Variants in RBMS1 observed in about 807,000 individuals in gnomAD.
RBMS1 encodes RNA-binding motif, single-stranded-interacting protein 1.
In RBMS1, 17 loss-of-function variants were observed where a neutral mutation model predicts 62.3. That is an observed-to-expected ratio of 0.27 (90% confidence interval 0.19 to 0.41). RBMS1 has a LOEUF of 0.41. Among genes scored for constraint, RBMS1 ranks in the 10% least tolerant of loss-of-function variants. The pLI, the probability that RBMS1 is intolerant of heterozygous loss-of-function variation, is 1.00. For missense variants in RBMS1, 334 were observed against 504.5 expected (o/e 0.66, Z 3.24); for synonymous variants, 172 against 170.0 (o/e 1.01, Z -0.09).
intron 1 of RBMS1, among the ~76,000 whole-genome samples, chr2:160,400,330 C>A (rs10165985): frequency 2.0e-5 from 3 of 149,306 alleles, no homozygotes; most frequent in East Asian, 3.9e-4. Context: ...ATTTAAAAAA[C>A]GAAAGAAACA....
rs151035772 is a variant in RBMS1, at chr2:160,405,035, G to A, written c.76-37644C>T. On this transcript the variant is annotated intron_variant, in intron 1 of 13. Coordinates refer to ENST00000348849, the MANE Select transcript of RBMS1 (RefSeq NM_016836.4). ...CAATTTGCTTAATCTATGCCTCAGT[G>A]TTCTTAATTGTAAAATGGATATACA... Among the ~76,000 whole-genome samples the A allele has an allele frequency of 4.7e-3, 722 of 152,322 alleles. 4 individuals carry two copies. Among genetic ancestry groups the A allele is most frequent in the Non-Finnish European group, 8.1e-3 (551 of 68,026 alleles).
chr2:160,340,522 CA>C (rs1390023107), intron 2 of RBMS1, among the ~76,000 whole-genome samples: 2 of 151,922 alleles, frequency 1.3e-5, no homozygotes, highest in Non-Finnish European at 2.9e-5. Flanking sequence ...AAGGAAACAA[CA>C]ATAGAAATTA....
chr2:160,336,460 A>G (rs1018965674), intron 2 of RBMS1, among the ~76,000 whole-genome samples: 4 of 152,148 alleles, frequency 2.6e-5, no homozygotes, highest in Admixed American at 2.6e-4. Flanking sequence ...CAGACCATGA[A>G]GAAACCAAAT....
chr2:160,367,000 G>T, intron 2 of RBMS1: 1 of 376,136 alleles, frequency 2.7e-6, no homozygotes, highest in African/African-American at 2.1e-5. Context: ...TTGAGAAAAT[G>T]CTCCAATTCA....
intron 6 of RBMS1, among the ~76,000 whole-genome samples, chr2:160,300,077 C>T (rs910055768): frequency 2.6e-5 from 4 of 151,990 alleles, no homozygotes; most frequent in African/African-American, 9.7e-5. Flanking sequence ...GGAGACCAGA[C>T]TTAGTAGGAA....
At position 160,274,040 on chromosome 2, in the gene RBMS1, CT is replaced by C; in HGVS notation, c.*731del. Reference sequence around the variant, plus strand: ...AATTTCAGCAACTTTTATTGACTACCTTTTAAAAGCCCTATGCTGCTGTTTT... The same window carrying C: ...AATTTCAGCAACTTTTATTGACTACCTTTAAAAGCCCTATGCTGCTGTTTT... On this transcript the variant is annotated 3_prime_UTR_variant, in exon 14 of 14. Transcript: ENST00000348849. 6.6e-6 allele frequency: 1 copy of C among 152,606 alleles called. No individual in the cohort carries two copies. The highest frequency in any genetic ancestry group is 1.5e-5 in the Non-Finnish European group (1 of 68,034). The allele number at this position is 152,606 out of a possible 1,614,324, so 9.5% of individuals were successfully genotyped here.
chr2:160,304,390 CCTAT>C (rs77972136), intron 4 of RBMS1, among the ~76,000 whole-genome samples: 38,792 of 151,910 alleles, frequency 0.26, 5,503 homozygotes, highest in East Asian at 0.53. Flanking sequence ...CAATCTACTT[CCTAT>C]CTAAGTTTAT....
chr2:160,432,136 A>G (rs1047123199), intron 1 of RBMS1, among the ~76,000 whole-genome samples: 10 of 152,194 alleles, frequency 6.6e-5, no homozygotes, highest in Non-Finnish European at 1.5e-4. Context: ...ATGTTACATT[A>G]TATTATATGT....
At chr2:160,416,684 A>G (rs909454382) in intron 1 of RBMS1, among the ~76,000 whole-genome samples, 3 of 152,138 alleles carry the variant, frequency 2.0e-5, no homozygotes, top group Non-Finnish European at 4.4e-5. Flanking sequence ...CCCTAGAAAT[A>G]TAGAATTTCA....
chr2:160,400,434 T>C (rs1263697006), intron 1 of RBMS1, among the ~76,000 whole-genome samples: 1 of 150,750 alleles, frequency 6.6e-6, no homozygotes. Flanking sequence ...TATGTATTCA[T>C]AATAAAATAA....
intron 11 of RBMS1, chr2:160,277,609 T>C (rs1687904923): frequency 2.6e-6 from 1 of 388,666 alleles, no homozygotes; most frequent in Non-Finnish European, 4.6e-6. Flanking sequence ...TTCTTTGGAT[T>C]TGCTAACAAA....
At chr2:160,282,401 G>T (rs529562343) in intron 9 of RBMS1, 21 of 1,055,496 alleles carry the variant, frequency 2.0e-5, no homozygotes, top group Non-Finnish European at 2.6e-5. Context: ...TCTTGCAGCT[G>T]CCAATTTCTC....
At chr2:160,488,302 G>A (rs12618334) in intron 1 of RBMS1, among the ~76,000 whole-genome samples, 73,717 of 152,072 alleles carry the variant, frequency 0.48, 18,277 homozygotes, top group East Asian at 0.69. Context: ...GAGGCTGGGC[G>A]CAGTGGCTCA....
chr2:160,443,223 CAAAAAAAAAAA>C (rs1683491044), intron 1 of RBMS1, among the ~76,000 whole-genome samples: 1 of 135,296 alleles, frequency 7.4e-6, no homozygotes, highest in Non-Finnish European at 1.6e-5. Flanking sequence ...AAAAAAAAAA[CAAAAAAAAAAA>C]CCTTGACTTA....
At chr2:160,448,584 G>A (rs1392464928) in intron 1 of RBMS1, among the ~76,000 whole-genome samples, 2 of 152,248 alleles carry the variant, frequency 1.3e-5, no homozygotes, top group East Asian at 1.9e-4. Flanking sequence ...ACAGAGTCTC[G>A]CTCACTCAGT....
chr2:160,396,550 CTTTTTTTTTTTTTTTTT>C (rs59600753), intron 1 of RBMS1, among the ~76,000 whole-genome samples: 2 of 77,850 alleles, frequency 2.6e-5, no homozygotes, highest in Admixed American at 1.7e-4. Flanking sequence ...TTCTTTTTAT[CTTTTTTTTTTTTTTTTT>C]TTTTTTTTTT....
chr2:160,395,958 G>T (rs1187323137), intron 1 of RBMS1, among the ~76,000 whole-genome samples: 1 of 152,142 alleles, frequency 6.6e-6, no homozygotes, highest in Non-Finnish European at 1.5e-5. Context: ...CCCCAAGGAA[G>T]GAGGGAAGCA....
chr2:160,346,335 T>C (rs905991581), intron 2 of RBMS1, among the ~76,000 whole-genome samples: 6 of 152,292 alleles, frequency 3.9e-5, no homozygotes, highest in African/African-American at 1.4e-4. Flanking sequence ...GGTCTCCTGG[T>C]GCTGCATGGG....
chr2:160,351,193 G>A (rs1018420880), intron 2 of RBMS1, among the ~76,000 whole-genome samples: 7 of 147,000 alleles, frequency 4.8e-5, no homozygotes, highest in African/African-American at 1.7e-4. Context: ...GGGGGAGGGG[G>A]GAGGGAATAG....
Sources: allele counts gnomAD v4.1 joint callset (sites outside exome capture counted in the v4.1 genomes callset), GRCh38; gene constraint gnomAD v4.1.1; transcripts MANE v1.5; gene names NCBI Gene and HGNC (gene_info 2026-07-23, HGNC 2026-07-21).